Variants in ILDR1 observed in about 807,000 individuals in gnomAD.
ILDR1 encodes immunoglobulin like domain containing receptor 1, also known as immunoglobulin-like domain-containing receptor 1.
In ILDR1, 56 loss-of-function variants were observed where a neutral mutation model predicts 62.4. The observed-to-expected ratio is 0.90, with a 90% CI of 0.72 to 1.12. The LOEUF (loss-of-function observed/expected upper bound fraction) is 1.12, where lower values mean the gene tolerates loss of function less well. Ranked by LOEUF, ILDR1 falls within the 50% of genes most tolerant of loss-of-function variation. ILDR1 has a pLI of 0.00. For synonymous variants in ILDR1, 284 were observed against 277.8 expected (o/e 1.02, Z -0.22); for missense variants, 736 against 710.6 (o/e 1.04, Z -0.41).
rs371010612 is a variant in ILDR1, at chr3:122,005,264, C to T, written c.359G>A (p.Arg120His). The T allele has an allele frequency of 2.6e-6, 4 of 1,544,628 alleles. No homozygotes were observed. The highest frequency in any genetic ancestry group is 2.6e-6 in the Non-Finnish European group (3 of 1,139,640). ...CTCACGGTTCTGGATGGTGATCTTG[C>T]GCTGCCGGTAATCTACCCCCAGCAC... Reference protein sequence around the residue: ...EPVLGVDYRQRKITIQNRADL... With the variant: ...EPVLGVDYRQHKITIQNRADL... Residue 120 changes from arginine (R) to histidine (H), a missense_variant, in exon 3 of 8, where the codon CGC (arginine) becomes CAC (histidine). Transcript: ENST00000344209.
At chr3:121,997,542 G>C (rs912479196) in intron 5 of ILDR1, among the ~76,000 whole-genome samples, 7 of 152,208 alleles carry the variant, frequency 4.6e-5, no homozygotes, top group African/African-American at 1.7e-4. Context: ...CATCTCTATT[G>C]ATGAAGAGGA....
chr3:122,001,019 C>T (rs2071515984), intron 5 of ILDR1, among the ~76,000 whole-genome samples: 1 of 152,150 alleles, frequency 6.6e-6, no homozygotes, highest in African/African-American at 2.4e-5. Context: ...GAATGAAGAT[C>T]GAAGCACAGG....
At chr3:122,056,002 G>A in the ILDR1 span, among the ~76,000 whole-genome samples, 1 of 152,106 alleles carries the variant, frequency 6.6e-6, no homozygotes, top group African/African-American at 2.4e-5. Flanking sequence ...GGGCAGGGTT[G>A]GGTAGTGGAA....
At chr3:121,998,072 G>A (rs2071463377) in intron 5 of ILDR1, among the ~76,000 whole-genome samples, 1 of 152,140 alleles carries the variant, frequency 6.6e-6, no homozygotes, top group African/African-American at 2.4e-5. Flanking sequence ...TCAGGCAGAT[G>A]TGAGCTCCCT....
chr3:122,015,292 C>G (rs773800067), intron 1 of ILDR1, among the ~76,000 whole-genome samples: 6 of 152,214 alleles, frequency 3.9e-5, no homozygotes, highest in Non-Finnish European at 5.9e-5. Flanking sequence ...TCCTTCCATA[C>G]AAACTTGGGC....
At chr3:122,044,889 T>C in the ILDR1 span, among the ~76,000 whole-genome samples, 7 of 150,718 alleles carry the variant, frequency 4.6e-5, no homozygotes, top group Admixed American at 1.3e-4. Context: ...CATTGATTTT[T>C]TGAAGGGTTT....
intron 1 of ILDR1, among the ~76,000 whole-genome samples, chr3:122,011,135 A>G (rs552504153): frequency 6.6e-6 from 1 of 152,354 alleles, no homozygotes; most frequent in South Asian, 2.1e-4. Flanking sequence ...TCACTCTGAC[A>G]CAGTAAAATA....
intron 1 of ILDR1, among the ~76,000 whole-genome samples, chr3:122,017,169 C>G (rs1253774698): frequency 6.6e-6 from 1 of 152,172 alleles, no homozygotes; most frequent in Non-Finnish European, 1.5e-5. Flanking sequence ...CTGCCTCAGC[C>G]TCCCGAGTAG....
chr3:121,998,857 C>G (rs966998499), intron 5 of ILDR1, among the ~76,000 whole-genome samples: 1 of 152,198 alleles, frequency 6.6e-6, no homozygotes, highest in East Asian at 1.9e-4. Flanking sequence ...CCTACAGAGG[C>G]TGTGGCAGTC....
chr3:122,005,480 C>T, intron 2 of ILDR1, 87 bp from the exon 3 acceptor site: 2 of 1,441,774 alleles, frequency 1.4e-6, no homozygotes, highest in Non-Finnish European at 1.9e-6. Context: ...GCGTGAGACA[C>T]AGTGAAGTGT....
rs142554264 is a variant in ILDR1, at chr3:122,001,758, C to T, written c.486G>A (p.Lys162=). Residue 162 remains lysine (K), a synonymous_variant, in exon 4 of 8, where the codon AAG becomes AAA. Transcript: ENST00000344209. ...DTSGDPDKEV[K]LIVLHWLTVI... ...AGTAGCACTTACGTAGGACGATGAG[C>T]TTTACTTCCTTATCGGGGTCTCCTG... The T allele has an allele frequency of 1.7e-4, 274 of 1,612,496 alleles. 1 individual carries two copies. The highest frequency in any genetic ancestry group is 2.2e-4 in the Non-Finnish European group (257 of 1,179,910).
the ILDR1 span, among the ~76,000 whole-genome samples, chr3:122,030,386 A>T: frequency 6.6e-6 from 1 of 151,978 alleles, no homozygotes; most frequent in Admixed American, 6.6e-5. Context: ...AAACAGACAC[A>T]ATACCACTCA....
At position 121,988,265 on chromosome 3, in the gene ILDR1, TAGACTC is replaced by T; in HGVS notation, c.*96_*101del. 1 of 945,456 alleles carries T rather than the reference TAGACTC, an allele frequency of 1.1e-6. No individual in the cohort carries two copies. The highest frequency in any genetic ancestry group is 1.7e-6 in the Non-Finnish European group (1 of 572,174). The allele number at this position is 945,456 out of a possible 1,614,324, so 58.6% of individuals were successfully genotyped here. A position where few individuals can be genotyped will look rare whatever the true frequency, so the allele number is the denominator to read the frequency against. On this transcript the variant is annotated 3_prime_UTR_variant, in exon 8 of 8. Transcript: ENST00000344209. Reference sequence around the variant, plus strand: ...TCTCAGAATCTAAGCCAAAAACTGTTAGACTCAGACTTGCAGTTCCCAAGTCAGCTG... The same window carrying T: ...TCTCAGAATCTAAGCCAAAAACTGTTAGACTTGCAGTTCCCAAGTCAGCTG...
the ILDR1 span, among the ~76,000 whole-genome samples, chr3:122,040,144 A>T: frequency 8.7e-4 from 133 of 152,124 alleles, 2 homozygotes; most frequent in Middle Eastern, 3.4e-3. Context: ...AAAACATCAC[A>T]AATCAGTGGA....
intron 7 of ILDR1, among the ~76,000 whole-genome samples, chr3:121,990,234 C>T (rs144360617): frequency 4.1e-3 from 618 of 152,316 alleles, no homozygotes; most frequent in Non-Finnish European, 7.7e-3. Flanking sequence ...GACTTTGCCT[C>T]AGTAAATGCA....
At chr3:122,026,793 TCC>T (rs2071924780), upstream of ILDR1, among the ~76,000 whole-genome samples, 1 of 152,186 alleles carries the variant, frequency 6.6e-6, no homozygotes, top group Non-Finnish European at 1.5e-5. Context: ...TTATTACAAC[TCC>T]TATTTAACAT....
the ILDR1 span, among the ~76,000 whole-genome samples, chr3:122,054,577 G>GT: frequency 6.6e-6 from 1 of 151,676 alleles, no homozygotes; most frequent in Non-Finnish European, 1.5e-5. Flanking sequence ...TAGTCATTCT[G>GT]TTTTCATTTT....
chr3:122,009,302 C>CACTGGTGT (rs1036186838), intron 1 of ILDR1, among the ~76,000 whole-genome samples: 1 of 145,914 alleles, frequency 6.9e-6, no homozygotes, highest in Non-Finnish European at 1.5e-5. Flanking sequence ...CTCTGAGAAC[C>CACTGGTGT]ACTGGTGTAG....
chr3:122,002,555 A>T (rs764063316), intron 3 of ILDR1, among the ~76,000 whole-genome samples: 10 of 152,198 alleles, frequency 6.6e-5, no homozygotes, highest in Non-Finnish European at 1.3e-4. Context: ...GTGGGCACTC[A>T]GGTTTTTTGT....
Sources: gnomAD v4.1 joint callset for allele counts (sites outside exome capture counted in the v4.1 genomes callset) on GRCh38, gnomAD v4.1.1 for gene constraint, MANE v1.5 for transcripts, NCBI Gene and HGNC (gene_info 2026-07-23, HGNC 2026-07-21) for gene names.